FAM53A: variants seen among roughly 807,000 people sequenced by gnomAD.
FAM53A encodes the protein protein FAM53A.
In FAM53A, 28 loss-of-function variants were observed where a neutral mutation model predicts 26.6. The observed-to-expected ratio is 1.05, with a 90% CI of 0.78 to 1.45. FAM53A has a LOEUF of 1.45. Among genes scored for constraint, FAM53A ranks in the 40% most tolerant of loss-of-function variants. The pLI is 0.00. For synonymous variants in FAM53A, 290 were observed against 253.1 expected (o/e 1.15, Z -1.38); for missense variants, 650 against 575.8 (o/e 1.13, Z -1.32).
downstream of FAM53A, among the ~76,000 whole-genome samples, chr4:1,613,475 G>A (rs1031805739): frequency 4.6e-5 from 7 of 152,188 alleles, no homozygotes; most frequent in African/African-American, 1.7e-4. Context: ...TGGAGCTAAT[G>A]TTTGAACATG....
chr4:1,652,337 G>A (rs922123362), intron 4 of FAM53A, among the ~76,000 whole-genome samples: 6 of 114,860 alleles, frequency 5.2e-5, no homozygotes, highest in East Asian at 2.8e-4. Context: ...ATACACACAC[G>A]CTATACACAC....
At chr4:1,595,442 G>A in the FAM53A span, among the ~76,000 whole-genome samples, 2 of 152,228 alleles carry the variant, frequency 1.3e-5, no homozygotes, top group African/African-American at 4.8e-5. Flanking sequence ...ACAGGCCGGG[G>A]ACAGCAGGGC....
the FAM53A span, among the ~76,000 whole-genome samples, chr4:1,577,050 T>C: frequency 6.8e-6 from 1 of 146,932 alleles, no homozygotes; most frequent in Non-Finnish European, 1.5e-5. Flanking sequence ...TTCCGGGTCC[T>C]CTCTGAGGCA....
chr4:1,612,519 T>C, the FAM53A span, among the ~76,000 whole-genome samples: 3 of 152,090 alleles, frequency 2.0e-5, no homozygotes, highest in East Asian at 5.8e-4. Context: ...CACACATGCA[T>C]AGGCACACAT....
chr4:1,664,574 G>A (rs1714084712), intron 2 of FAM53A, among the ~76,000 whole-genome samples: 1 of 152,156 alleles, frequency 6.6e-6, no homozygotes, highest in Non-Finnish European at 1.5e-5. Flanking sequence ...GAAGTAACTT[G>A]TGTTTAGATA....
the FAM53A span, among the ~76,000 whole-genome samples, chr4:1,606,204 A>T: frequency 4.0e-5 from 6 of 150,732 alleles, no homozygotes; most frequent in African/African-American, 1.5e-4. Context: ...ACACCTGGAT[A>T]ATTTTTTTTT....
intron 1 of FAM53A, among the ~76,000 whole-genome samples, chr4:1,631,782 C>T (rs901085092): frequency 1.1e-4 from 16 of 152,290 alleles, no homozygotes; most frequent in African/African-American, 3.6e-4. Flanking sequence ...ACCAAAAATA[C>T]AGAGATCTTA....
intron 4 of FAM53A, among the ~76,000 whole-genome samples, chr4:1,650,208 G>A (rs552148705): frequency 3.7e-5 from 5 of 134,480 alleles, no homozygotes; most frequent in South Asian, 5.2e-4. Context: ...TGGCACAGGC[G>A]TGACATTTGA....
At chr4:1,636,826 A>ACCTC (rs1438420951), downstream of FAM53A, among the ~76,000 whole-genome samples, 4 of 150,190 alleles carry the variant, frequency 2.7e-5, no homozygotes, top group African/African-American at 7.4e-5. Flanking sequence ...CTCAAGGGAG[A>ACCTC]CCTCCCTCCC....
intron 1 of FAM53A, among the ~76,000 whole-genome samples, chr4:1,626,957 G>C (rs1206419390): frequency 6.6e-6 from 1 of 152,192 alleles, no homozygotes; most frequent in Non-Finnish European, 1.5e-5. Flanking sequence ...GCCTGGCCTG[G>C]AGGCTGCCTG....
At chr4:1,632,717 T>G (rs1011630744) in intron 1 of FAM53A, among the ~76,000 whole-genome samples, 2 of 152,256 alleles carry the variant, frequency 1.3e-5, no homozygotes, top group Non-Finnish European at 2.9e-5. Flanking sequence ...GTGGGCAGTT[T>G]GCACGCCTGT....
At chr4:1,631,288 G>A (rs918867293) in intron 1 of FAM53A, among the ~76,000 whole-genome samples, 1 of 152,210 alleles carries the variant, frequency 6.6e-6, no homozygotes, top group Non-Finnish European at 1.5e-5. Flanking sequence ...GCCAGAGGCA[G>A]CCCCAGGCCT....
At chr4:1,614,445 C>CGTG (rs1714736442), downstream of FAM53A, among the ~76,000 whole-genome samples, 6 of 113,896 alleles carry the variant, frequency 5.3e-5, no homozygotes, top group African/African-American at 1.6e-4. Context: ...GATGCAGAGA[C>CGTG]ATGAGGGGCA....
chr4:1,587,083 G>T, the FAM53A span, among the ~76,000 whole-genome samples: 3 of 152,110 alleles, frequency 2.0e-5, no homozygotes, highest in Admixed American at 2.0e-4. Context: ...TTTCAATCAG[G>T]TTATTTGTTT....
chr4:1,656,321 C>A (rs1485311576), intron 3 of FAM53A, among the ~76,000 whole-genome samples: 1 of 152,214 alleles, frequency 6.6e-6, no homozygotes, highest in Non-Finnish European at 1.5e-5. Flanking sequence ...CGCTCCCCAG[C>A]CCACTGCCTG....
downstream of FAM53A, among the ~76,000 whole-genome samples, chr4:1,638,088 G>A (rs756491326): frequency 4.6e-5 from 7 of 151,994 alleles, no homozygotes; most frequent in Non-Finnish European, 8.8e-5. Flanking sequence ...CATCCCCAAG[G>A]GGCCAAGCAT....
In FAM53A at chr4:1,651,519, C is replaced by T. The variant is rs183047291; in HGVS notation, c.882+3459G>A. Among the ~76,000 whole-genome samples, 1,090 of 129,222 alleles carry T rather than the reference C, an allele frequency of 8.4e-3. 16 individuals are homozygous for T. The highest frequency in any genetic ancestry group is 0.032 in the African/African-American group (1,045 of 33,076). 84.8% of individuals were successfully genotyped at this position (129,222 alleles called of 152,430 possible). The stretch of plus-strand genomic sequence containing the variant: ...TGCATTCCAGCCTGGGCAAAAAGAG[C>T]GAAATTCTGTCTTAAAAAAAAAAAA... On this transcript the variant is annotated intron_variant, in intron 4 of 4. Coordinates refer to ENST00000308132, the MANE Select transcript of FAM53A (RefSeq NM_001174070.3).
the FAM53A span, among the ~76,000 whole-genome samples, chr4:1,605,353 A>G: frequency 6.6e-6 from 1 of 152,078 alleles, no homozygotes; most frequent in Non-Finnish European, 1.5e-5. The surrounding 1 kb of genome is among the most constrained non-coding windows in gnomAD (Gnocchi z 5.7). Flanking sequence ...AGGTCCCAGG[A>G]GCAAGTGCTC....
At chr4:1,643,236 G>T (rs1024261003) in intron 4 of FAM53A, among the ~76,000 whole-genome samples, 1 of 152,162 alleles carries the variant, frequency 6.6e-6, no homozygotes, top group African/African-American at 2.4e-5. Context: ...GGAGGCCGGG[G>T]CGGGCGGATC....
Sources: gnomAD v4.1 joint callset for allele counts (sites outside exome capture counted in the v4.1 genomes callset) on GRCh38, gnomAD v4.1.1 for gene constraint, Gnocchi (gnomAD v3.1) non-coding constraint, MANE v1.5 for transcripts, NCBI Gene and HGNC (gene_info 2026-07-23, HGNC 2026-07-21) for gene names.